The following ODF2 variants were observed in gnomAD, a reference collection of about 807,000 sequenced individuals.
ODF2 encodes the protein outer dense fiber of sperm tails 2, also known as outer dense fiber protein 2.
ODF2 carries 47 observed loss-of-function variants against 110.2 expected under a neutral mutation model. The observed-to-expected ratio is 0.43, with a 90% confidence interval of 0.34 to 0.54. ODF2 has a LOEUF of 0.54. Ranked by LOEUF, ODF2 falls within the 20% of genes least tolerant of loss-of-function variation. ODF2 has a pLI of 0.03. For synonymous variants in ODF2, 352 were observed against 397.7 expected, an observed-to-expected ratio of 0.89 and a Z score of 1.37; for missense variants, 812 against 1,054.5, an observed-to-expected ratio of 0.77 and a Z score of 3.19.
intron 5 of ODF2, among the ~76,000 whole-genome samples, chr9:128,470,109 G>A (rs972370338): frequency 2.1e-5 from 3 of 140,522 alleles, no homozygotes; most frequent in Non-Finnish European, 4.6e-5. Flanking sequence ...CTCAGTTGCC[G>A]TGCTCTCTCT....
chr9:128,471,490 C>G lies in ODF2; in HGVS notation c.581+22C>G, dbSNP rs761995979. On this transcript the variant is annotated intron_variant, in intron 6 of 20. Transcript: ENST00000604420. ...CCATGTAAGGTGGCTCCTGCTCTGT[C>G]CCCGCTGATCTATTCCTCCCTACCA... 2.5e-6 allele frequency: 4 copies of G among 1,606,060 alleles called. No individual in the cohort carries two copies. In the Admixed American group the frequency reaches 6.8e-5, roughly 27 times the overall value.
chr9:128,469,458 GCCT>G (rs1839159730), intron 5 of ODF2, 105 bp downstream of exon 5: 2 of 1,230,110 alleles, frequency 1.6e-6, no homozygotes, highest in African/African-American at 3.0e-5. Flanking sequence ...AGGCCTTCAG[GCCT>G]CCTCTGCAGG....
At chr9:128,483,875 G>T in intron 10 of ODF2, 63 bp from the exon 11 acceptor site, 1 of 1,139,020 alleles carries the variant, frequency 8.8e-7, no homozygotes, top group Non-Finnish European at 1.3e-6. Context: ...AACGGAGCAA[G>T]ACTCCGTATG....
At chr9:128,484,131 T>C (rs1842938390) in intron 11 of ODF2, 77 bp downstream of exon 11, 3 of 1,041,308 alleles carry the variant, frequency 2.9e-6, no homozygotes, top group African/African-American at 1.6e-5. Flanking sequence ...GGCCCAGATA[T>C]CACACTCAGG....
In ODF2 at chr9:128,494,885, C is replaced by T. The variant is rs549109951; in HGVS notation, c.1911+217C>T. On this transcript the variant is annotated intron_variant, in intron 17 of 20. Coordinates refer to ENST00000604420, the Ensembl canonical transcript of ODF2. This position sits in a 1 kb window ranked among gnomAD's most constrained non-coding sequence, Gnocchi z 4.6. Reference sequence around the variant, plus strand: ...TTGTAGTTATAGGAGCCGTCACTTGCGTGGAGTCACTGGGCCCTCCTGCTG... The same window carrying T: ...TTGTAGTTATAGGAGCCGTCACTTGTGTGGAGTCACTGGGCCCTCCTGCTG... 3.8e-5 allele frequency: 54 copies of T among 1,434,258 alleles called. No individual in the cohort carries two copies. The highest frequency in any genetic ancestry group is 2.2e-4 in the South Asian group (15 of 68,870). The allele number at this position is 1,434,258 out of a possible 1,614,324, so 88.8% of individuals were successfully genotyped here. A position where few individuals can be genotyped will look rare whatever the true frequency, so the allele number is the denominator to read the frequency against.
chr9:128,489,831 T>C (rs954019057), intron 14 of ODF2, among the ~76,000 whole-genome samples: 8 of 152,208 alleles, frequency 5.3e-5, no homozygotes, highest in Non-Finnish European at 1.0e-4. Flanking sequence ...GTAAAGTAGT[T>C]ACTGGTAGAT....
At chr9:128,492,931 C>G (rs1844874175) in intron 16 of ODF2, 126 bp downstream of exon 16, 1 of 721,274 alleles carries the variant, frequency 1.4e-6, no homozygotes, top group African/African-American at 1.8e-5. Context: ...AGCTCATTTT[C>G]TCATTGGTGG....
intron 3 of ODF2, chr9:128,460,612 C>T (rs775511737): frequency 6.2e-7 from 1 of 1,614,062 alleles, no homozygotes; most frequent in Non-Finnish European, 8.5e-7. Flanking sequence ...ATGAGAACAC[C>T]CCTGTCCACG....
chr9:128,496,408 C>T (rs1454438148), intron 18 of ODF2: 16 of 1,232,142 alleles, frequency 1.3e-5, no homozygotes, highest in Non-Finnish European at 1.6e-5. Flanking sequence ...AAAGGCATGC[C>T]TGGTCCAGGC....
At chr9:128,471,181 T>C in intron 5 of ODF2, 127 bp from the exon 6 acceptor site, 1 of 928,834 alleles carries the variant, frequency 1.1e-6, no homozygotes, top group Non-Finnish European at 1.6e-6. Flanking sequence ...CCCAAAGTGC[T>C]GGGATTACAG....
intron 2 of ODF2, 37 bp from the exon 2 acceptor site, chr9:128,459,530 T>C (rs1166887556): frequency 1.3e-6 from 2 of 1,528,800 alleles, no homozygotes; most frequent in Non-Finnish European, 1.8e-6. Flanking sequence ...TTGCCCTAGT[T>C]TTCTGCTTAC....
intron 20 of ODF2, among the ~76,000 whole-genome samples, chr9:128,499,484 G>A (rs1846205675): frequency 6.6e-6 from 1 of 152,044 alleles, no homozygotes; most frequent in Non-Finnish European, 1.5e-5. Context: ...TAGTAGAGAT[G>A]GGGTTTCGCC....
rs1308799708 is a variant in ODF2, at chr9:128,482,800, C to T, written c.916-16C>T. On this transcript the variant is annotated splice_polypyrimidine_tract_variant and intron_variant, in intron 9 of 20. Coordinates refer to ENST00000604420, the Ensembl canonical transcript of ODF2. The stretch of plus-strand genomic sequence containing the variant: ...GCCCTTCCCAGGGGCACCTGACAGC[C>T]TGTGTTCTCTCCCAGCGCCTGCTGT... 4 of 1,611,390 alleles carry T rather than the reference C, an allele frequency of 2.5e-6. No individual in the cohort carries two copies.
Position 128,500,020 on chromosome 9 carries a change from A to G in ODF2, c.2302-47A>G, listed in dbSNP as rs577396245. 95 of 1,607,284 alleles carry G rather than the reference A, an allele frequency of 5.9e-5. No homozygotes were observed. In the South Asian group the frequency reaches 9.3e-4, roughly 16 times the overall value. ...AGTCCCTATGTCTCTATGGATTTCT[A>G]TTTTGGACACTGCACAGCGGGCCCA... is the stretch of plus-strand genomic sequence containing the variant. On this transcript the variant is annotated intron_variant, in intron 20 of 20. Transcript: ENST00000604420.
chr9:128,468,163 A>G (rs1022035786), intron 4 of ODF2, among the ~76,000 whole-genome samples: 2 of 152,040 alleles, frequency 1.3e-5, no homozygotes, highest in South Asian at 2.1e-4. Flanking sequence ...CCTTTTTCCA[A>G]TTTACCCACT....
At chr9:128,496,482 C>G (rs1285065069) in intron 18 of ODF2, among the ~76,000 whole-genome samples, 2 of 152,206 alleles carry the variant, frequency 1.3e-5, no homozygotes, top group Non-Finnish European at 2.9e-5. Context: ...CTTCCCCACT[C>G]TTTTCTGCCC....
rs201877006 is a variant in ODF2 at position 128,465,755 on chromosome 9, A to AT, written c.250-3428_250-3427insT. On this transcript the variant is annotated intron_variant, in intron 4 of 20. Transcript: ENST00000604420. ...ACTCCGTCTCAAAAAAAAAAAAAAA[A>AT]GTGATCTATTTTTATTTAGGGAAAT... Among the ~76,000 whole-genome samples the AT allele has an allele frequency of 9.3e-3, 1,412 of 151,632 alleles. 28 individuals carry two copies. Among genetic ancestry groups the AT allele is most frequent in the East Asian group, 0.07 (360 of 5,136 alleles).
At chr9:128,461,259 T>G in intron 4 of ODF2, 192 bp downstream of exon 4, 1 of 688,818 alleles carries the variant, frequency 1.5e-6, no homozygotes, top group Non-Finnish European at 2.4e-6. Flanking sequence ...TGGGAAGTCC[T>G]GCTGTCCAAA....
intron 8 of ODF2, among the ~76,000 whole-genome samples, chr9:128,475,026 G>A (rs1451451823): frequency 6.6e-6 from 1 of 151,930 alleles, no homozygotes; most frequent in East Asian, 1.9e-4. Context: ...CTCTGTATCT[G>A]TGGGTTCTGC....
Sources: gnomAD v4.1 joint callset for allele counts (sites outside exome capture counted in the v4.1 genomes callset) on GRCh38, gnomAD v4.1.1 for gene constraint, Gnocchi (gnomAD v3.1) non-coding constraint, MANE v1.5 for transcripts, NCBI Gene and HGNC (gene_info 2026-07-23, HGNC 2026-07-21) for gene names.